Variants in NPAS3 observed in about 807,000 individuals in gnomAD.
The protein encoded by NPAS3 is neuronal PAS domain protein 3.
In NPAS3, 14 loss-of-function variants were observed where a neutral mutation model predicts 73.1. The ratio of observed to expected loss-of-function variants is 0.19; its 90% CI spans 0.13 to 0.30. The LOEUF (loss-of-function observed/expected upper bound fraction) is 0.30. NPAS3 is among the 10% of genes least tolerant of loss of function. NPAS3 has a pLI of 1.00. For synonymous variants in NPAS3, 620 were observed against 541.5 expected (o/e 1.14, Z -2.01); for missense variants, 1,096 against 1,250.0 (o/e 0.88, Z 1.86).
intron 3 of NPAS3, among the ~76,000 whole-genome samples, chr14:33,219,099 A>G (rs2047329228): frequency 6.6e-6 from 1 of 152,228 alleles, no homozygotes; most frequent in South Asian, 2.1e-4. Context: ...AGAAATGACC[A>G]GGCATTCTCA....
chr14:33,199,425 C>T (rs2046525078), intron 2 of NPAS3, among the ~76,000 whole-genome samples: 1 of 152,132 alleles, frequency 6.6e-6, no homozygotes, highest in African/African-American at 2.4e-5. Flanking sequence ...TCCATGTAGG[C>T]AGGATTTTCA....
intron 6 of NPAS3, among the ~76,000 whole-genome samples, chr14:33,684,227 G>GT (rs5807739): frequency 0.46 from 68,378 of 148,294 alleles, 16,168 homozygotes; most frequent in African/African-American, 0.6. Context: ...TGTGCTGTGG[G>GT]TTTTTTTTTT....
chr14:33,045,383 G>T lies in NPAS3; in HGVS notation c.51-10522G>T, dbSNP rs146854705. On this transcript the variant is annotated intron_variant, in intron 1 of 11. Transcript: ENST00000356141. The stretch of plus-strand genomic sequence containing the variant: ...AATCTTAAACTCTAAGTTGTGACCT[G>T]CTATGAAGTGTTATCCTTCCGATTA... Among the ~76,000 whole-genome samples the T allele has an allele frequency of 3.4e-3, 511 of 152,268 alleles. 2 individuals are homozygous for T. Among genetic ancestry groups the T allele is most frequent in the Non-Finnish European group, 5.0e-3 (337 of 68,012 alleles).
chr14:33,646,098 T>A (rs544793944), intron 5 of NPAS3, among the ~76,000 whole-genome samples: 2 of 152,294 alleles, frequency 1.3e-5, no homozygotes, highest in South Asian at 4.2e-4. Flanking sequence ...CTTGGGGTTC[T>A]CTGAGAAAAC....
chr14:33,502,970 G>A (rs1339262962), intron 4 of NPAS3, among the ~76,000 whole-genome samples: 1 of 151,734 alleles, frequency 6.6e-6, no homozygotes. Context: ...CACTCACACA[G>A]CAACTATACC....
intron 4 of NPAS3, among the ~76,000 whole-genome samples, chr14:33,407,335 G>C (rs1008345176): frequency 6.6e-6 from 1 of 152,054 alleles, no homozygotes; most frequent in Non-Finnish European, 1.5e-5. Context: ...TTTCTCTAGG[G>C]ATTTTGGTAC....
intron 2 of NPAS3, among the ~76,000 whole-genome samples, chr14:33,111,435 C>T (rs758837958): frequency 6.6e-6 from 1 of 152,100 alleles, no homozygotes; most frequent in Non-Finnish European, 1.5e-5. Context: ...TAAAAAATAG[C>T]CCTATTATCA....
intron 5 of NPAS3, among the ~76,000 whole-genome samples, chr14:33,649,586 G>A (rs1434486046): frequency 2.0e-5 from 3 of 152,046 alleles, no homozygotes; most frequent in Non-Finnish European, 2.9e-5. Flanking sequence ...TTATTGTGTC[G>A]GATGCATACT....
At chr14:33,607,769 G>T (rs919272903) in intron 5 of NPAS3, among the ~76,000 whole-genome samples, 4 of 152,150 alleles carry the variant, frequency 2.6e-5, no homozygotes, top group Non-Finnish European at 5.9e-5. Flanking sequence ...AAGGAAAGAG[G>T]TTCAAGTGAC....
At chr14:33,367,399 C>T (rs1480047763) in intron 4 of NPAS3, 131 bp downstream of exon 4, 6 of 512,438 alleles carry the variant, frequency 1.2e-5, no homozygotes, top group South Asian at 9.4e-5. Flanking sequence ...CTTGAAATTC[C>T]GAAATTCTTA....
chr14:32,949,749 A>G (rs1361780411), intron 1 of NPAS3, among the ~76,000 whole-genome samples: 1 of 152,012 alleles, frequency 6.6e-6, no homozygotes, highest in Non-Finnish European at 1.5e-5. Context: ...AGAAAAAAGA[A>G]AAAAGGAAAA....
chr14:33,005,539 C>A (rs2038971903), intron 1 of NPAS3, among the ~76,000 whole-genome samples: 2 of 152,082 alleles, frequency 1.3e-5, no homozygotes, highest in South Asian at 4.1e-4. Context: ...TAGCTGGAAC[C>A]CCAAGCGGAC....
chr14:33,317,326 A>G (rs1175197903), intron 3 of NPAS3, among the ~76,000 whole-genome samples: 7 of 152,052 alleles, frequency 4.6e-5, no homozygotes, highest in Admixed American at 4.6e-4. Flanking sequence ...TCTTCTAGTG[A>G]TCCCAACTCT....
At chr14:33,708,566 C>A (rs1268833085) in intron 6 of NPAS3, among the ~76,000 whole-genome samples, 2 of 151,912 alleles carry the variant, frequency 1.3e-5, no homozygotes, top group South Asian at 4.2e-4. Context: ...GGGAGAAAAC[C>A]AATACAGGCT....
At chr14:33,298,938 G>A (rs942255233) in intron 3 of NPAS3, among the ~76,000 whole-genome samples, 1 of 151,994 alleles carries the variant, frequency 6.6e-6, no homozygotes, top group African/African-American at 2.4e-5. Flanking sequence ...AGGACTGGGG[G>A]GCCTGTATTC....
At chr14:32,962,291 G>A (rs577573559) in intron 1 of NPAS3, among the ~76,000 whole-genome samples, 2 of 152,024 alleles carry the variant, frequency 1.3e-5, no homozygotes, top group African/African-American at 2.4e-5. Context: ...TTATTAAAAC[G>A]AATTTTGAAA....
At chr14:33,476,385 T>C (rs867706540) in intron 4 of NPAS3, among the ~76,000 whole-genome samples, 2 of 152,228 alleles carry the variant, frequency 1.3e-5, no homozygotes, top group African/African-American at 4.8e-5. Flanking sequence ...ACTTGTCAAT[T>C]TCACTGATCT....
intron 5 of NPAS3, among the ~76,000 whole-genome samples, chr14:33,576,809 A>G (rs1396784631): frequency 6.6e-6 from 1 of 152,200 alleles, no homozygotes. Flanking sequence ...AGTCCCGAGT[A>G]TCTTTCACTT....
intron 2 of NPAS3, among the ~76,000 whole-genome samples, chr14:33,149,463 C>T (rs1230234172): frequency 2.6e-5 from 4 of 152,190 alleles, no homozygotes; most frequent in Non-Finnish European, 4.4e-5. Context: ...ATAAAGTGTA[C>T]TTCATCAGTA....
Sources: gnomAD v4.1 joint callset for allele counts (sites outside exome capture counted in the v4.1 genomes callset) on GRCh38, gnomAD v4.1.1 for gene constraint, MANE v1.5 for transcripts, NCBI Gene and HGNC (gene_info 2026-07-23, HGNC 2026-07-21) for gene names.